Variants in SEC22B observed in about 807,000 individuals in gnomAD.
SEC22B encodes the protein SEC22 homolog B, vesicle trafficking protein, also known as vesicle-trafficking protein SEC22b.
In SEC22B, 10 loss-of-function variants were observed where a neutral mutation model predicts 31.4. The observed-to-expected ratio is 0.32, with a 90% confidence interval of 0.20 to 0.54. The LOEUF (loss-of-function observed/expected upper bound fraction) is 0.54. Ranked by LOEUF, SEC22B falls within the 20% of genes least tolerant of loss-of-function variation. SEC22B has a pLI of 0.94. For missense variants in SEC22B, 130 were observed against 263.4 expected, an observed-to-expected ratio of 0.49 and a Z score of 3.50; for synonymous variants, 60 against 95.9, an observed-to-expected ratio of 0.63 and a Z score of 2.19.
At chr1:120,164,611 TA>T (rs1436492913) in intron 2 of SEC22B, among the ~76,000 whole-genome samples, 11 of 152,278 alleles carry the variant, frequency 7.2e-5, no homozygotes, top group African/African-American at 2.7e-4. Flanking sequence ...CATTTCTTTT[TA>T]TGACTGCATA....
chr1:120,173,123 C>T (rs1457051592), intron 1 of SEC22B, among the ~76,000 whole-genome samples: 1 of 117,732 alleles, frequency 8.5e-6, no homozygotes, highest in African/African-American at 3.6e-5. Flanking sequence ...CCTCTAAAAG[C>T]AGTTACAGTA....
In SEC22B at chr1:120,153,197, A is replaced by G. The variant is rs1210141783; in HGVS notation, c.*3841T>C. 1.3e-5 allele frequency: 2 copies of G among 150,974 alleles called. No homozygotes were observed. Among genetic ancestry groups the G allele is most frequent in the Non-Finnish European group, 2.9e-5 (2 of 67,956 alleles). 9.4% of individuals were successfully genotyped at this position (150,974 alleles called of 1,614,324 possible). A position where few individuals can be genotyped will look rare whatever the true frequency, so the allele number is the denominator to read the frequency against. On this transcript the variant is annotated 3_prime_UTR_variant, in exon 5 of 5. Transcript: ENST00000578049. ...TGCTCATTCTATCTCAAACTCTGTC[A>G]CACATACAATGACTGCTATTTACCT... is the stretch of plus-strand genomic sequence containing the variant.
In SEC22B at chr1:120,152,073, T is replaced by G. The variant is rs1321292441; in HGVS notation, c.*4965A>C. ...AACAGATATATATGAAGCAAAAAACTTGGGCCCAAAAAACAAGTTTGAAGG... is the reference window on the plus strand; with the variant it reads ...AACAGATATATATGAAGCAAAAAACGTGGGCCCAAAAAACAAGTTTGAAGG... On this transcript the variant is annotated 3_prime_UTR_variant, in exon 5 of 5. Transcript: ENST00000578049. The G allele has an allele frequency of 6.6e-6, 1 of 152,196 alleles. No individual in the cohort carries two copies. Among genetic ancestry groups the G allele is most frequent in the Admixed American group, 6.5e-5 (1 of 15,274 alleles). The allele number at this position is 152,196 out of a possible 1,614,324, so 9.4% of individuals were successfully genotyped here. A position where few individuals can be genotyped will look rare whatever the true frequency, so the allele number is the denominator to read the frequency against.
chr1:120,151,108 C>T lies in SEC22B; in HGVS notation c.*5930G>A, dbSNP rs587658206. On this transcript the variant is annotated 3_prime_UTR_variant, in exon 5 of 5. Coordinates refer to ENST00000578049, the MANE Select transcript of SEC22B (RefSeq NM_004892.6). The stretch of plus-strand genomic sequence containing the variant: ...CAACATGAGTTTTGGAGGGGCCAAA[C>T]AACATGCAAACCATAGCAGCAGGTT... 3.3e-5 allele frequency: 5 copies of T among 152,286 alleles called. No individual in the cohort carries two copies. Among genetic ancestry groups the T allele is most frequent in the Non-Finnish European group, 7.3e-5 (5 of 68,034 alleles). 9.4% of individuals were successfully genotyped at this position (152,286 alleles called of 1,614,324 possible).
rs1657629197 is a variant in SEC22B at position 120,156,602 on chromosome 1, T to A, written c.*436A>T. 7 of 86,016 alleles carry A rather than the reference T, an allele frequency of 8.1e-5. No homozygotes were observed. The highest frequency in any genetic ancestry group is 9.6e-5 in the African/African-American group (2 of 20,938). 5.3% of individuals were successfully genotyped at this position (86,016 alleles called of 1,614,324 possible). A position where few individuals can be genotyped will look rare whatever the true frequency, so the allele number is the denominator to read the frequency against. ...CCAACAAAAGGAATGTTGATTAGAG[T>A]CAAAAAAAAAAAAAAAAAAAAAAAC... On this transcript the variant is annotated 3_prime_UTR_variant, in exon 5 of 5. Coordinates refer to ENST00000578049, the MANE Select transcript of SEC22B (RefSeq NM_004892.6).
At chr1:120,167,261 T>C (rs1657827198) in intron 2 of SEC22B, among the ~76,000 whole-genome samples, 1 of 151,464 alleles carries the variant, frequency 6.6e-6, no homozygotes, top group Admixed American at 6.6e-5. Flanking sequence ...AAAATCATAC[T>C]CCATGGTATT....
rs1657544072 is a variant in SEC22B at position 120,151,752 on chromosome 1, C to T, written c.*5286G>A. ...TGTAACAAAATCAGTAAGGAGGGTA[C>T]TCCAAGAATCCATGTTAAAGTTAAT... On this transcript the variant is annotated 3_prime_UTR_variant, in exon 5 of 5. Transcript: ENST00000578049. 3 of 151,698 alleles carry T rather than the reference C, an allele frequency of 2.0e-5. No homozygotes were observed. Among genetic ancestry groups the T allele is most frequent in the Admixed American group, 2.0e-4 (3 of 15,222 alleles). The allele number at this position is 151,698 out of a possible 1,614,324, so 9.4% of individuals were successfully genotyped here.
In SEC22B at chr1:120,168,957, A is replaced by C; in HGVS notation, c.76-8T>G. On this transcript the variant is annotated splice_polypyrimidine_tract_variant and splice_region_variant and intron_variant, in intron 1 of 4. Coordinates refer to ENST00000578049, the MANE Select transcript of SEC22B (RefSeq NM_004892.6). ...TTGAAGGTCCCGGCCAGACTGAAAG[A>C]AGACATCTTCATTTAAGAATTTTCC... The C allele has an allele frequency of 1.0e-6, 1 of 967,546 alleles. No individual in the cohort carries two copies. Among genetic ancestry groups the C allele is most frequent in the Non-Finnish European group, 1.4e-6 (1 of 703,194 alleles). The allele number at this position is 967,546 out of a possible 1,614,324, so 59.9% of individuals were successfully genotyped here. A position where few individuals can be genotyped will look rare whatever the true frequency, so the allele number is the denominator to read the frequency against.
In SEC22B at chr1:120,156,874, A is replaced by C; in HGVS notation, c.*164T>G. 2.3e-6 allele frequency: 1 copy of C among 436,674 alleles called. No homozygotes were observed. Among genetic ancestry groups the C allele is most frequent in the East Asian group, 3.5e-5 (1 of 28,642 alleles). The allele number at this position is 436,674 out of a possible 1,614,324, so 27.0% of individuals were successfully genotyped here. Reference sequence around the variant, plus strand: ...TCTACATAGGGTTAAGCTTCATTAAATGAGGTGCAACCTTTCATTTTCAGG... The same window carrying C: ...TCTACATAGGGTTAAGCTTCATTAACTGAGGTGCAACCTTTCATTTTCAGG... On this transcript the variant is annotated 3_prime_UTR_variant, in exon 5 of 5. Coordinates refer to ENST00000578049, the MANE Select transcript of SEC22B (RefSeq NM_004892.6).
intron 4 of SEC22B, chr1:120,157,891 AC>A (rs1432971784): frequency 1.1e-4 from 16 of 149,602 alleles, no homozygotes; most frequent in African/African-American, 3.8e-4. Flanking sequence ...ACAAAAAAAA[AC>A]GCAAGTAAAT....
At chr1:120,176,164 C>T (rs1570872272) in intron 1 of SEC22B, 143 bp downstream of exon 1, 3 of 692,750 alleles carry the variant, frequency 4.3e-6, no homozygotes, top group Non-Finnish European at 7.3e-6. Flanking sequence ...CTCTCCTACA[C>T]CAAAAGATAA....
Position 120,160,469 on chromosome 1 carries a change from G to A in SEC22B, c.408C>T (p.Gly136=), listed in dbSNP as rs1442735704. The change falls in exon 4 of 5, where the codon GGC becomes GGT. Residue 136 remains glycine, a synonymous_variant. Coordinates refer to ENST00000578049, the MANE Select transcript of SEC22B (RefSeq NM_004892.6). ...CATCTTGCAATTCAGTGTTGATGGA[G>A]CCTAGATTTCTTCGAGCACGACTGT... The part of the protein sequence containing the change: ...YIDSRARRNL[G]SINTELQDVQ... 1.7e-5 allele frequency: 27 copies of A among 1,610,772 alleles called. No homozygotes were observed. Among genetic ancestry groups the A allele is most frequent in the Non-Finnish European group, 2.1e-5 (25 of 1,177,990 alleles).
rs1427959922 is a variant in SEC22B, at chr1:120,151,013, T to C, written c.*6025A>G. 6.6e-6 allele frequency: 1 copy of C among 152,226 alleles called. No individual in the cohort carries two copies. The highest frequency in any genetic ancestry group is 1.5e-5 in the Non-Finnish European group (1 of 68,042). The allele number at this position is 152,226 out of a possible 1,614,324, so 9.4% of individuals were successfully genotyped here. ...CTCAGTGTCAAGAGAAAGATGTTAA[T>C]CCATCTTAGCAACCTAATTACCTCT... is the stretch of plus-strand genomic sequence containing the variant. On this transcript the variant is annotated 3_prime_UTR_variant, in exon 5 of 5. Transcript: ENST00000578049.
At position 120,154,085 on chromosome 1, in the gene SEC22B, TAC is replaced by T. The variant is rs1657589787; in HGVS notation, c.*2951_*2952del. On this transcript the variant is annotated 3_prime_UTR_variant, in exon 5 of 5. Coordinates refer to ENST00000578049, the MANE Select transcript of SEC22B (RefSeq NM_004892.6). ...TCTATGTCTTTACTTCCTAGTGGTT[TAC>T]ACACTCTTTAACCCATATGGCAATC... 6.6e-6 allele frequency: 1 copy of T among 151,964 alleles called. No homozygotes were observed. The highest frequency in any genetic ancestry group is 2.4e-5 in the African/African-American group (1 of 41,460). The allele number at this position is 151,964 out of a possible 1,614,324, so 9.4% of individuals were successfully genotyped here. A position where few individuals can be genotyped will look rare whatever the true frequency, so the allele number is the denominator to read the frequency against.
rs1282822545 is a variant in SEC22B, at chr1:120,153,598, T to C, written c.*3440A>G. On this transcript the variant is annotated 3_prime_UTR_variant, in exon 5 of 5. Transcript: ENST00000578049. ...TCCTTGAATGCACTACAGGAAAATA[T>C]TATTTGATATGAAATTTTTTTGGTA... The C allele has an allele frequency of 1.4e-5, 2 of 139,730 alleles. No homozygotes were observed. Among genetic ancestry groups the C allele is most frequent in the East Asian group, 4.0e-4 (2 of 5,046 alleles). The allele number at this position is 139,730 out of a possible 1,614,324, so 8.7% of individuals were successfully genotyped here. A position where few individuals can be genotyped will look rare whatever the true frequency, so the allele number is the denominator to read the frequency against.
At chr1:120,176,181 A>C (rs1657958376) in intron 1 of SEC22B, 126 bp downstream of exon 1, 1 of 757,654 alleles carries the variant, frequency 1.3e-6, no homozygotes, top group Non-Finnish European at 2.2e-6. Flanking sequence ...ATAAAAGCGC[A>C]CTTCAGAGAG....
At chr1:120,176,273 A>G in intron 1 of SEC22B, 34 bp downstream of exon 1, 1 of 1,597,362 alleles carries the variant, frequency 6.3e-7, no homozygotes, top group Non-Finnish European at 8.5e-7. Flanking sequence ...GCTGACAGAG[A>G]CTTGGGGTCG....
At chr1:120,164,040 A>G (rs1281232366) in intron 2 of SEC22B, among the ~76,000 whole-genome samples, 2 of 129,692 alleles carry the variant, frequency 1.5e-5, no homozygotes, top group African/African-American at 3.0e-5. Flanking sequence ...AGTTACAGCA[A>G]TCTCCACCTC....
At position 120,160,397 on chromosome 1, in the gene SEC22B, T is replaced by C. The variant is rs1175849011; in HGVS notation, c.480A>G (p.Gly160=). 1.9e-6 allele frequency: 3 copies of C among 1,611,326 alleles called. 1 individual carries two copies. Among genetic ancestry groups the C allele is most frequent in the East Asian group, 4.5e-5 (2 of 44,854 alleles). Residue 160 remains glycine (G), a synonymous_variant, in exon 4 of 5, where the codon GGA becomes GGG. Coordinates refer to ENST00000578049, the MANE Select transcript of SEC22B (RefSeq NM_004892.6). ...GCTTTTAGATACCTGAGAGTGCTTC[T>C]CCTCGTTGTAACACTTCTTCAATAT... ...VANIEEVLQR[G]EALSALDSKA...
Sources: gnomAD v4.1 joint callset for allele counts (sites outside exome capture counted in the v4.1 genomes callset) on GRCh38, gnomAD v4.1.1 for gene constraint, MANE v1.5 for transcripts, NCBI Gene and HGNC (gene_info 2026-07-23, HGNC 2026-07-21) for gene names.